The following VHL variants were observed in gnomAD, a reference collection of about 807,000 sequenced individuals.
The protein encoded by VHL is von Hippel-Lindau disease tumor suppressor.
Under a neutral mutation model 19.2 loss-of-function variants are expected in VHL, and 10 were observed. The ratio of observed to expected loss-of-function variants is 0.52; its 90% CI spans 0.32 to 0.89. The LOEUF (loss-of-function observed/expected upper bound fraction) is 0.89, where lower values mean the gene tolerates loss of function less well. Among genes scored for constraint, VHL ranks in the 40% least tolerant of loss-of-function variants. The probability of loss-of-function intolerance (pLI) is 0.03; values close to 1 mark genes in which losing one functional copy is unlikely to be tolerated. For synonymous variants in VHL, 167 were observed against 129.5 expected, an observed-to-expected ratio of 1.29 and a Z score of -1.97; for missense variants, 328 against 292.7, an observed-to-expected ratio of 1.12 and a Z score of -0.88.
At chr3:10,143,312 G>A (rs1314428588) in intron 1 of VHL, among the ~76,000 whole-genome samples, 5 of 151,516 alleles carry the variant, frequency 3.3e-5, no homozygotes, top group African/African-American at 1.2e-4. Flanking sequence ...TTTTTTAGTA[G>A]AGACGGGGGT....
At chr3:10,144,225 G>A (rs1176241549) in intron 1 of VHL, among the ~76,000 whole-genome samples, 3 of 152,076 alleles carry the variant, frequency 2.0e-5, no homozygotes, top group African/African-American at 7.2e-5. Flanking sequence ...TCAGCACTTT[G>A]GGAGGCTGAG....
Position 10,149,943 on chromosome 3 carries a change from C to T in VHL, c.620C>T (p.Ala207Val), listed in dbSNP as rs1060503549. Reference sequence around the variant, plus strand: ...GAGCGGCTGACACAGGAGCGCATTGCACATCAACGGATGGGAGATTGAAGA... The same window carrying T: ...GAGCGGCTGACACAGGAGCGCATTGTACATCAACGGATGGGAGATTGAAGA... ...DLERLTQERI[A>V]HQRMGD Residue 207 changes from alanine to valine, a missense_variant, in exon 3 of 3, where the codon GCA becomes GTA. Transcript: ENST00000256474. The T allele has an allele frequency of 2.5e-6, 4 of 1,614,036 alleles. No individual in the cohort carries two copies. In the Admixed American group the frequency reaches 6.7e-5, roughly 27 times the overall value.
Position 10,141,855 on chromosome 3 carries a change from G to C in VHL, c.8G>C (p.Arg3Pro), listed in dbSNP as rs1178481595. 7 of 1,535,572 alleles carry C rather than the reference G, an allele frequency of 4.6e-6. No homozygotes were observed. Among genetic ancestry groups the C allele is most frequent in the African/African-American group, 2.8e-5 (2 of 72,348 alleles). The change falls in exon 1 of 3, where the codon CGG becomes CCG. Residue 3 changes from arginine to proline, a missense_variant. Arg to Pro is a moderately radical substitution (Grantham distance 103). Coordinates refer to ENST00000256474, the MANE Select transcript of VHL (RefSeq NM_000551.4). Reference sequence around the variant, plus strand: ...GTCTGGATCGCGGAGGGAATGCCCCGGAGGGCGGAGAACTGGGACGAGGCC... The same window carrying C: ...GTCTGGATCGCGGAGGGAATGCCCCCGAGGGCGGAGAACTGGGACGAGGCC... MP[R>P]RAENWDEAEV...
rs777622214 is a variant in VHL at position 10,142,197 on chromosome 3, C to A, written c.340+10C>A. 2 of 1,596,046 alleles carry A rather than the reference C, an allele frequency of 1.3e-6. No homozygotes were observed. The highest frequency in any genetic ancestry group is 1.3e-5 in the African/African-American group (1 of 74,848). Reference sequence around the variant, plus strand: ...ATCCACAGCTACCGAGGTACGGGCCCGGCGCTTAGGCCCGACCCAGCAGGG... The same window carrying A: ...ATCCACAGCTACCGAGGTACGGGCCAGGCGCTTAGGCCCGACCCAGCAGGG... On this transcript the variant is annotated intron_variant, in intron 1 of 2. Transcript: ENST00000256474.
At chr3:10,146,376 A>G in intron 1 of VHL, 138 bp from the exon 2 acceptor site, 4 of 1,171,874 alleles carry the variant, frequency 3.4e-6, no homozygotes, top group Non-Finnish European at 5.0e-6. Context: ...AGGTTTCACC[A>G]CGTTAGCCAG....
rs755333116 is a variant in VHL at position 10,141,861 on chromosome 3, C to T, written c.14C>T (p.Ala5Val). Residue 5 changes from alanine to valine, a missense_variant, in exon 1 of 3, where the codon GCG (alanine) becomes GTG (valine). Ala to Val is a moderately conservative substitution (Grantham distance 64). Coordinates refer to ENST00000256474, the MANE Select transcript of VHL (RefSeq NM_000551.4). Reference sequence around the variant, plus strand: ...ATCGCGGAGGGAATGCCCCGGAGGGCGGAGAACTGGGACGAGGCCGAGGTA... The same window carrying T: ...ATCGCGGAGGGAATGCCCCGGAGGGTGGAGAACTGGGACGAGGCCGAGGTA... Reference protein sequence around the residue: MPRRAENWDEAEVGA... With the variant: MPRRVENWDEAEVGA... The T allele has an allele frequency of 1.3e-5, 20 of 1,535,076 alleles. No homozygotes were observed. The highest frequency in any genetic ancestry group is 2.3e-4 in the Middle Eastern group (1 of 4,340).
At position 10,153,448 on chromosome 3, in the gene VHL, CA is replaced by C. The variant is rs112494627; in HGVS notation, c.*3493del. Among the ~76,000 whole-genome samples the C allele has an allele frequency of 7.7e-5, 11 of 143,206 alleles. No individual in the cohort carries two copies. The highest frequency in any genetic ancestry group is 2.1e-4 in the Admixed American group (3 of 14,438). The allele number at this position is 143,206 out of a possible 152,430, so 93.9% of individuals were successfully genotyped here. ...CCATCTCAAAAAGAAACCAAAAAAA[CA>C]AAAAAAAAACATGCCGTTTGAGTAC... On this transcript the variant is annotated 3_prime_UTR_variant, in exon 3 of 3. Coordinates refer to ENST00000256474, the MANE Select transcript of VHL (RefSeq NM_000551.4).
intron 2 of VHL, 121 bp from the exon 3 acceptor site, chr3:10,149,666 T>A: frequency 1.1e-6 from 1 of 876,684 alleles, no homozygotes; most frequent in Admixed American, 2.0e-5. Context: ...GCACTCACTT[T>A]TTTTCTTTAA....
intron 1 of VHL, 150 bp downstream of exon 1, chr3:10,142,337 C>CATT (rs2125125560): frequency 1.2e-4 from 58 of 494,594 alleles, no homozygotes; most frequent in Non-Finnish European, 1.6e-4. Context: ...AGCGTCAGAG[C>CATT]ATTCTTTTTT....
intron 1 of VHL, among the ~76,000 whole-genome samples, chr3:10,144,918 G>T (rs1696219958): frequency 6.6e-6 from 1 of 152,126 alleles, no homozygotes; most frequent in Admixed American, 6.6e-5. Flanking sequence ...TTAATGCACT[G>T]AATTGTACAT....
chr3:10,143,742 C>A (rs996545620), intron 1 of VHL, among the ~76,000 whole-genome samples: 1 of 152,184 alleles, frequency 6.6e-6, no homozygotes, highest in African/African-American at 2.4e-5. Context: ...GGGATTTCGG[C>A]CACAACGTCC....
rs1696430399 is a variant in VHL at position 10,152,288 on chromosome 3, GA to G, written c.*2325del. The G allele has an allele frequency of 2.0e-5, 3 of 151,904 alleles. No individual in the cohort carries two copies. The highest frequency in any genetic ancestry group is 4.4e-5 in the Non-Finnish European group (3 of 68,672). 9.4% of individuals were successfully genotyped at this position (151,904 alleles called of 1,614,324 possible). ...GGAGGCTGAGGCAGGAGAATCACTT[GA>G]ACCCAGGAGGCGAAGATTGCAGTGA... On this transcript the variant is annotated 3_prime_UTR_variant, in exon 3 of 3. Transcript: ENST00000256474.
intron 1 of VHL, among the ~76,000 whole-genome samples, chr3:10,144,415 A>T (rs533914115): frequency 6.6e-6 from 1 of 152,018 alleles, no homozygotes; most frequent in Admixed American, 6.6e-5. Context: ...GTTGGAGGCT[A>T]CAGTGAACTA....
rs1056226386 is a variant in VHL at position 10,141,978 on chromosome 3, G to A, written c.131G>A (p.Gly44Asp). ...GAGGAGTCCGGCCCGGAAGAGTCCG[G>A]CCCGGAGGAACTGGGCGCCGAGGAG... ...GAEESGPEES[G>D]PEELGAEEEM... The change falls in exon 1 of 3, where the codon GGC becomes GAC. Residue 44 changes from glycine (G) to aspartate (D), a missense_variant. By Grantham distance (94) the Gly-to-Asp change is moderately conservative. Transcript: ENST00000256474. 1.3e-6 allele frequency: 2 copies of A among 1,563,522 alleles called. No individual in the cohort carries two copies. The highest frequency in any genetic ancestry group is 2.7e-5 in the African/African-American group (2 of 73,686).
Position 10,150,258 on chromosome 3 carries a change from T to G in VHL, c.*293T>G. 7.6e-7 allele frequency: 1 copy of G among 1,319,190 alleles called. No individual in the cohort carries two copies. The highest frequency in any genetic ancestry group is 1.6e-5 in the South Asian group (1 of 64,378). 81.7% of individuals were successfully genotyped at this position (1,319,190 alleles called of 1,614,324 possible). A position where few individuals can be genotyped will look rare whatever the true frequency, so the allele number is the denominator to read the frequency against. ...AGGACAGCTTGTATGTAAGGAGGTTTGTATAAGTAATTCAGTGGGAATTGC... is the reference window on the plus strand; with the variant it reads ...AGGACAGCTTGTATGTAAGGAGGTTGGTATAAGTAATTCAGTGGGAATTGC... On this transcript the variant is annotated 3_prime_UTR_variant, in exon 3 of 3. Coordinates refer to ENST00000256474, the MANE Select transcript of VHL (RefSeq NM_000551.4).
intron 2 of VHL, among the ~76,000 whole-genome samples, chr3:10,148,504 C>T (rs271991): frequency 6.0e-5 from 9 of 150,790 alleles, no homozygotes; most frequent in Non-Finnish European, 7.4e-5. Context: ...TTAGTAGAGA[C>T]GGGGTTTCAC....
chr3:10,144,472 C>G (rs1484002668), intron 1 of VHL, among the ~76,000 whole-genome samples: 3 of 148,478 alleles, frequency 2.0e-5, no homozygotes, highest in African/African-American at 7.4e-5. Flanking sequence ...GGTAACACAG[C>G]AAGACCCTGT....
At chr3:10,145,562 C>T (rs532025907) in intron 1 of VHL, among the ~76,000 whole-genome samples, 6 of 151,826 alleles carry the variant, frequency 4.0e-5, no homozygotes, top group East Asian at 1.9e-4. Context: ...AAAAATTAGC[C>T]GGGCGTGGTG....
intron 2 of VHL, among the ~76,000 whole-genome samples, chr3:10,146,894 TTTGTAGAA>T (rs1427613876): frequency 6.6e-6 from 1 of 152,174 alleles, no homozygotes; most frequent in Non-Finnish European, 1.5e-5. Context: ...ATAGGTTAGT[TTTGTAGAA>T]TTGTAGAATT....
Sources: allele counts gnomAD v4.1 joint callset (sites outside exome capture counted in the v4.1 genomes callset), GRCh38; gene constraint gnomAD v4.1.1; transcripts MANE v1.5; gene names NCBI Gene and HGNC (gene_info 2026-07-23, HGNC 2026-07-21).